Variants in DRD2 observed in about 807,000 individuals in gnomAD.
The protein encoded by DRD2 is dopamine receptor D2, also known as D(2) dopamine receptor.
A neutral mutation model predicts 38.0 loss-of-function variants in DRD2; 8 were observed. The observed-to-expected ratio is 0.21, with a 90% CI of 0.12 to 0.38. The LOEUF (loss-of-function observed/expected upper bound fraction) is 0.38, where lower values mean the gene tolerates loss of function less well. DRD2 is among the 10% of genes least tolerant of loss of function. DRD2 has a pLI of 1.00. For synonymous variants in DRD2, 230 were observed against 238.6 expected (o/e 0.96, Z 0.33); for missense variants, 403 against 607.7 (o/e 0.66, Z 3.54).
intron 1 of DRD2, among the ~76,000 whole-genome samples, chr11:113,472,419 G>A (rs113885236): frequency 2.0e-5 from 3 of 152,238 alleles, no homozygotes; most frequent in African/African-American, 7.2e-5. Context: ...GTTCCCATTT[G>A]TTTCCCATAG....
chr11:113,416,234 T>C (rs186536326), intron 4 of DRD2, among the ~76,000 whole-genome samples: 4 of 152,366 alleles, frequency 2.6e-5, no homozygotes, highest in Admixed American at 2.6e-4. Flanking sequence ...CTGTATCTTT[T>C]GTTGTTACGA....
At chr11:113,466,811 T>C (rs1210806793) in intron 1 of DRD2, among the ~76,000 whole-genome samples, 1 of 152,224 alleles carries the variant, frequency 6.6e-6, no homozygotes, top group East Asian at 1.9e-4. Flanking sequence ...TAATAGATTT[T>C]AGAGAAGCAT....
At chr11:113,466,844 G>A (rs560240512) in intron 1 of DRD2, among the ~76,000 whole-genome samples, 3 of 152,180 alleles carry the variant, frequency 2.0e-5, no homozygotes, top group Non-Finnish European at 2.9e-5. Context: ...CTGCTTCAAG[G>A]AGCTCATGGT....
intron 1 of DRD2, among the ~76,000 whole-genome samples, chr11:113,438,007 T>G (rs1951054969): frequency 6.6e-6 from 1 of 152,068 alleles, no homozygotes; most frequent in South Asian, 2.1e-4. Context: ...GGAAGCAGGT[T>G]GGAAGAGCAG....
chr11:113,473,954 A>G (rs2120023969), intron 1 of DRD2, among the ~76,000 whole-genome samples: 1 of 152,352 alleles, frequency 6.6e-6, no homozygotes, highest in East Asian at 1.9e-4. Context: ...GATTGGCCTA[A>G]AAGGTTTGTA....
chr11:113,439,509 A>G (rs1222239722), intron 1 of DRD2, among the ~76,000 whole-genome samples: 2 of 152,154 alleles, frequency 1.3e-5, no homozygotes. Context: ...AGCCTTAGAG[A>G]ATATTTAATC....
rs140631271 is a variant in DRD2 at position 113,466,096 on chromosome 11, G to A, written c.-32+8980C>T. 1.4e-3 allele frequency among the ~76,000 whole-genome samples: 206 copies of A among 152,286 alleles called. 1 individual carries two copies. The highest frequency in any genetic ancestry group is 1.7e-3 in the Non-Finnish European group (119 of 68,016). Reference sequence around the variant, plus strand: ...GATAGAGGTCACATAGCTCATGACCGATAGAACAAAGATCTGATCCTGCAT... The same window carrying A: ...GATAGAGGTCACATAGCTCATGACCAATAGAACAAAGATCTGATCCTGCAT... On this transcript the variant is annotated intron_variant, in intron 1 of 7. Transcript: ENST00000362072.
intron 1 of DRD2, among the ~76,000 whole-genome samples, chr11:113,458,790 T>A (rs1951290381): frequency 6.6e-6 from 1 of 152,238 alleles, no homozygotes; most frequent in East Asian, 1.9e-4. Flanking sequence ...TTGGAATATA[T>A]TCATTCCTTT....
intron 7 of DRD2, chr11:113,411,553 C>A (rs1124492): frequency 0.21 from 32,008 of 152,926 alleles, 4,395 homozygotes; most frequent in East Asian, 0.5. Flanking sequence ...CCAGGACCTC[C>A]TGCACAGGTG....
intron 1 of DRD2, among the ~76,000 whole-genome samples, chr11:113,437,496 A>T (rs751062577): frequency 5.9e-5 from 9 of 152,166 alleles, no homozygotes; most frequent in Non-Finnish European, 1.3e-4. Flanking sequence ...GAGCCTTATA[A>T]AGAGGGAAGT....
chr11:113,453,414 C>T (rs1285416096), intron 1 of DRD2, among the ~76,000 whole-genome samples: 1 of 152,116 alleles, frequency 6.6e-6, no homozygotes, highest in Non-Finnish European at 1.5e-5. Context: ...GCACTCAGTC[C>T]GTGTTAACTA....
chr11:113,415,842 C>T (rs1950820664), intron 4 of DRD2, among the ~76,000 whole-genome samples: 1 of 152,244 alleles, frequency 6.6e-6, no homozygotes, highest in African/African-American at 2.4e-5. Flanking sequence ...TGATGGACTG[C>T]TCCCAAGTCT....
At chr11:113,418,220 G>A in intron 2 of DRD2, 84 bp from the exon 3 acceptor site, 2 of 1,141,852 alleles carry the variant, frequency 1.8e-6, no homozygotes, top group African/African-American at 1.5e-5. Flanking sequence ...TGGAGCCGAT[G>A]AGGCCACAGA....
chr11:113,458,103 G>A (rs1591300269), intron 1 of DRD2, among the ~76,000 whole-genome samples: 1 of 152,252 alleles, frequency 6.6e-6, no homozygotes, highest in African/African-American at 2.4e-5. Context: ...TGACACAGCC[G>A]AGACCTGCAA....
At chr11:113,416,738 G>A (rs1950831299) in intron 4 of DRD2, 125 bp downstream of exon 4, 1 of 1,397,732 alleles carries the variant, frequency 7.2e-7, no homozygotes, top group South Asian at 1.3e-5. Flanking sequence ...TCAGTCCAGG[G>A]TAGTGATAGG....
intron 1 of DRD2, among the ~76,000 whole-genome samples, chr11:113,463,007 A>C (rs1409735734): frequency 6.6e-6 from 1 of 152,152 alleles, no homozygotes; most frequent in Non-Finnish European, 1.5e-5. Context: ...ATAGCACAGC[A>C]TTCAAGGAGC....
chr11:113,450,838 T>C (rs938135224), intron 1 of DRD2, among the ~76,000 whole-genome samples: 9 of 152,208 alleles, frequency 5.9e-5, no homozygotes, highest in Admixed American at 3.9e-4. Flanking sequence ...TCTCCCAGCT[T>C]TCTCCAAACG....
chr11:113,439,409 T>C lies in DRD2; in HGVS notation c.-31-14727A>G, dbSNP rs539212069. On this transcript the variant is annotated intron_variant, in intron 1 of 7. Coordinates refer to ENST00000362072, the MANE Select transcript of DRD2 (RefSeq NM_000795.4). ...AAGACACATCAAGCCACTAGCACAG[T>C]CTCTGAGAGAGAGAAGGCACTCAGT... Among the ~76,000 whole-genome samples, 12 of 152,230 alleles carry C rather than the reference T, an allele frequency of 7.9e-5. No homozygotes were observed. The South Asian group carries it at 2.5e-3, about 32-fold the overall frequency.
intron 6 of DRD2, chr11:113,413,428 C>G (rs1591273122): frequency 2.0e-6 from 1 of 502,508 alleles, no homozygotes; most frequent in East Asian, 5.6e-5. Context: ...ATCTTCCCTG[C>G]TGGGGTGACC....
Sources: allele counts gnomAD v4.1 joint callset (sites outside exome capture counted in the v4.1 genomes callset), GRCh38; gene constraint gnomAD v4.1.1; transcripts MANE v1.5; gene names NCBI Gene and HGNC (gene_info 2026-07-23, HGNC 2026-07-21).